SGMS1: variants seen among roughly 807,000 people sequenced by gnomAD.
The protein encoded by SGMS1 is sphingomyelin synthase 1.
Under a neutral mutation model 46.2 loss-of-function variants are expected in SGMS1, and 13 were observed. The ratio of observed to expected loss-of-function variants is 0.28; its 90% CI spans 0.18 to 0.45. The LOEUF (loss-of-function observed/expected upper bound fraction) is 0.45, where lower values mean the gene tolerates loss of function less well. SGMS1 is among the 20% of genes least tolerant of loss of function. SGMS1 has a pLI of 1.00. For synonymous variants in SGMS1, 203 were observed against 187.8 expected (o/e 1.08, Z -0.66); for missense variants, 324 against 519.9 (o/e 0.62, Z 3.66).
intron 1 of SGMS1, among the ~76,000 whole-genome samples, chr10:50,611,960 A>G (rs1320521697): frequency 2.0e-5 from 3 of 151,230 alleles, no homozygotes; most frequent in African/African-American, 7.3e-5. Flanking sequence ...CTGCCTTCCC[A>G]CCCTATCTCC....
chr10:50,408,213 G>C (rs1271768549), intron 6 of SGMS1, among the ~76,000 whole-genome samples: 1 of 152,154 alleles, frequency 6.6e-6, no homozygotes, highest in Non-Finnish European at 1.5e-5. Context: ...TTCTGCTGCT[G>C]GTGGTGTTCT....
At chr10:50,469,850 G>C (rs1044385150) in intron 3 of SGMS1, among the ~76,000 whole-genome samples, 7 of 152,206 alleles carry the variant, frequency 4.6e-5, no homozygotes, top group Non-Finnish European at 8.8e-5. Context: ...CAAGGTTGTG[G>C]AAAGAAAAGA....
intron 2 of SGMS1, among the ~76,000 whole-genome samples, chr10:50,564,785 T>C (rs1009194629): frequency 4.8e-5 from 7 of 146,172 alleles, no homozygotes; most frequent in Non-Finnish European, 1.0e-4. Context: ...ATTTATTTAT[T>C]TTTTAAGTTT....
intron 2 of SGMS1, among the ~76,000 whole-genome samples, chr10:50,579,318 CCAGAAAGAA>C (rs1838413138): frequency 6.6e-6 from 1 of 151,774 alleles, no homozygotes. Context: ...TAACAGAATT[CCAGAAAGAA>C]CAGAGAGAAC....
intron 3 of SGMS1, among the ~76,000 whole-genome samples, chr10:50,469,308 G>A (rs993496655): frequency 2.6e-5 from 4 of 152,180 alleles, no homozygotes; most frequent in Admixed American, 1.3e-4. Flanking sequence ...GTGAGATGGA[G>A]TAAGTATTCT....
At chr10:50,508,961 T>C (rs1837731032) in intron 3 of SGMS1, among the ~76,000 whole-genome samples, 1 of 152,236 alleles carries the variant, frequency 6.6e-6, no homozygotes, top group African/African-American at 2.4e-5. Flanking sequence ...TGGGGCTCAT[T>C]TGCCTGTGTA....
intron 2 of SGMS1, among the ~76,000 whole-genome samples, chr10:50,542,184 A>G (rs1311139863): frequency 2.0e-5 from 3 of 152,158 alleles, no homozygotes; most frequent in Admixed American, 1.3e-4. Context: ...TGTGACTCCC[A>G]CTTTTCGTTC....
chr10:50,537,082 T>C (rs1317191984), intron 2 of SGMS1, among the ~76,000 whole-genome samples: 1 of 152,202 alleles, frequency 6.6e-6, no homozygotes, highest in Non-Finnish European at 1.5e-5. Flanking sequence ...GCATTTGCAT[T>C]TCTCTCAAGC....
intron 3 of SGMS1, among the ~76,000 whole-genome samples, chr10:50,484,035 C>A (rs765405124): frequency 6.6e-6 from 1 of 151,950 alleles, no homozygotes; most frequent in African/African-American, 2.4e-5. Flanking sequence ...ACAAAAATAA[C>A]CAAGATCAGA....
At chr10:50,421,370 T>C (rs1272544474) in intron 6 of SGMS1, among the ~76,000 whole-genome samples, 2 of 152,182 alleles carry the variant, frequency 1.3e-5, no homozygotes, top group Non-Finnish European at 2.9e-5. Flanking sequence ...ACTTTAAATA[T>C]AGGTTTAACT....
intron 3 of SGMS1, among the ~76,000 whole-genome samples, chr10:50,508,084 A>G (rs141208296): frequency 3.5e-4 from 54 of 152,318 alleles, no homozygotes; most frequent in African/African-American, 1.2e-3. Flanking sequence ...CACCTCAAGC[A>G]ATGTATGGGC....
chr10:50,404,486 G>A (rs189149419), intron 6 of SGMS1, among the ~76,000 whole-genome samples: 30 of 152,198 alleles, frequency 2.0e-4, no homozygotes, highest in African/African-American at 7.0e-4. Context: ...GTGCATGCCT[G>A]TGGTCCTAGC....
intron 8 of SGMS1, among the ~76,000 whole-genome samples, chr10:50,321,698 A>G (rs1222220384): frequency 6.6e-6 from 1 of 152,212 alleles, no homozygotes; most frequent in Non-Finnish European, 1.5e-5. Flanking sequence ...GTAATGGAAC[A>G]CAAGCCATAT....
chr10:50,334,597 C>T (rs188200421), intron 7 of SGMS1: 40 of 152,290 alleles, frequency 2.6e-4, no homozygotes, highest in African/African-American at 9.1e-4. Flanking sequence ...GACACATCAC[C>T]AGCAGTCACT....
chr10:50,334,866 C>T (rs1436213), intron 7 of SGMS1: 60,459 of 151,956 alleles, frequency 0.4, 12,951 homozygotes, highest in East Asian at 0.85. Context: ...GAGAGTCTCA[C>T]TGGGGGAAGG....
intron 3 of SGMS1, among the ~76,000 whole-genome samples, chr10:50,479,407 T>G (rs1837456403): frequency 6.6e-6 from 1 of 152,182 alleles, no homozygotes. Flanking sequence ...CTACCAAGCA[T>G]TGTGTCCCTT....
intron 1 of SGMS1, among the ~76,000 whole-genome samples, chr10:50,618,177 A>T (rs1838815902): frequency 6.6e-6 from 1 of 152,236 alleles, no homozygotes; most frequent in Non-Finnish European, 1.5e-5. Flanking sequence ...GGAAAAAAAT[A>T]ATGTGAGATT....
rs974630373 is a variant in SGMS1 at position 50,306,833 on chromosome 10, T to A, written c.*309A>T. ...ACTGGAAAGACCAGAACTTATGATA[T>A]AAAAGCTTACATTTATGCTGCTGCA... is the stretch of plus-strand genomic sequence containing the variant. On this transcript the variant is annotated 3_prime_UTR_variant, in exon 11 of 11. Transcript: ENST00000361781. The A allele has an allele frequency of 2.7e-5, 6 of 220,656 alleles. No homozygotes were observed. The highest frequency in any genetic ancestry group is 5.7e-5 in the Admixed American group (1 of 17,408). The allele number at this position is 220,656 out of a possible 1,614,324, so 13.7% of individuals were successfully genotyped here. A position where few individuals can be genotyped will look rare whatever the true frequency, so the allele number is the denominator to read the frequency against.
At chr10:50,444,888 T>C (rs1382176221) in intron 5 of SGMS1, among the ~76,000 whole-genome samples, 1 of 152,160 alleles carries the variant, frequency 6.6e-6, no homozygotes, top group African/African-American at 2.4e-5. Flanking sequence ...ATATCAAAAC[T>C]GCTTTTTGAA....
Sources: allele counts gnomAD v4.1 joint callset (sites outside exome capture counted in the v4.1 genomes callset), GRCh38; gene constraint gnomAD v4.1.1; transcripts MANE v1.5; gene names NCBI Gene and HGNC (gene_info 2026-07-23, HGNC 2026-07-21).